The following ZNF385D variants were observed in gnomAD, a reference collection of about 807,000 sequenced individuals.
ZNF385D encodes zinc finger protein 659.
Under a neutral mutation model 35.8 loss-of-function variants are expected in ZNF385D, and 15 were observed. The observed-to-expected ratio is 0.42, with a 90% CI of 0.28 to 0.64. ZNF385D has a LOEUF of 0.64. ZNF385D is among the 30% of genes least tolerant of loss of function. The probability of loss-of-function intolerance (pLI) is 0.23; values close to 1 mark genes in which losing one functional copy is unlikely to be tolerated. For synonymous variants in ZNF385D, 212 were observed against 186.8 expected (o/e 1.13, Z -1.10); for missense variants, 474 against 494.6 (o/e 0.96, Z 0.39).
intron 3 of ZNF385D, among the ~76,000 whole-genome samples, chr3:21,941,490 CTTTTTTTTTTTT>C (rs531693623): frequency 1.6e-5 from 1 of 63,622 alleles, no homozygotes; most frequent in African/African-American, 6.8e-5. Context: ...TTCCATTACT[CTTTTTTTTTTTT>C]TTTTTTTTTT....
intron 3 of ZNF385D, among the ~76,000 whole-genome samples, chr3:21,808,321 T>C (rs971413751): frequency 6.6e-6 from 1 of 152,210 alleles, no homozygotes; most frequent in African/African-American, 2.4e-5. Context: ...AGACCTGTAG[T>C]ATAACACCTT....
intron 3 of ZNF385D, among the ~76,000 whole-genome samples, chr3:22,015,646 G>T (rs886943887): frequency 9.9e-5 from 15 of 152,016 alleles, no homozygotes; most frequent in Non-Finnish European, 2.1e-4. Flanking sequence ...ATCATTTCTT[G>T]TTTGTTTCTA....
chr3:22,169,736 A>G (rs1187921502), intron 2 of ZNF385D, among the ~76,000 whole-genome samples: 1 of 152,228 alleles, frequency 6.6e-6, no homozygotes, highest in Non-Finnish European at 1.5e-5. Context: ...TACGCTTTGT[A>G]TACTAAAACC....
At chr3:21,636,361 T>A (rs1210033083) in intron 2 of ZNF385D, among the ~76,000 whole-genome samples, 3 of 132,126 alleles carry the variant, frequency 2.3e-5, no homozygotes, top group Admixed American at 8.2e-5. Flanking sequence ...TGATTATATA[T>A]GATTATATAT....
chr3:21,599,771 C>T (rs78163365), intron 2 of ZNF385D, among the ~76,000 whole-genome samples: 5,165 of 152,278 alleles, frequency 0.034, 128 homozygotes, highest in South Asian at 0.082. Flanking sequence ...TCCTCCCTCC[C>T]TACCTATGGA....
rs577402258 is a variant in ZNF385D at position 21,867,694 on chromosome 3, C to G, written c.326-202666G>C. Among the ~76,000 whole-genome samples, 4 of 151,806 alleles carry G rather than the reference C, an allele frequency of 2.6e-5. 1 individual carries two copies. The highest frequency in any genetic ancestry group is 2.1e-4 in the South Asian group (1 of 4,814). ...GCCATTTTATTAGCTTATATTAATG[C>G]CTTTCAATGTCTCAATGCCAAGAGG... On this transcript the variant is annotated intron_variant, in intron 3 of 5. Coordinates refer to the ZNF385D transcript ENST00000494108.
intron 2 of ZNF385D, among the ~76,000 whole-genome samples, chr3:22,200,926 G>T (rs909797542): frequency 6.6e-6 from 1 of 152,114 alleles, no homozygotes; most frequent in African/African-American, 2.4e-5. Flanking sequence ...CAACACTGCT[G>T]TTACCCTGGT....
At chr3:21,702,616 G>A (rs914723864) in intron 1 of ZNF385D, among the ~76,000 whole-genome samples, 3 of 152,144 alleles carry the variant, frequency 2.0e-5, no homozygotes, top group Non-Finnish European at 4.4e-5. Flanking sequence ...GCATCATCAG[G>A]CTGCAAATTT....
At chr3:21,752,014 TC>T (rs1321937942), upstream of ZNF385D, among the ~76,000 whole-genome samples, 198 of 72,214 alleles carry the variant, frequency 2.7e-3, 1 homozygote, top group African/African-American at 0.01. Flanking sequence ...CCCACCCCCC[TC>T]CCCCCCCCAC....
At chr3:21,752,487 A>T (rs1335062534), upstream of ZNF385D, among the ~76,000 whole-genome samples, 3 of 152,194 alleles carry the variant, frequency 2.0e-5, no homozygotes, top group Admixed American at 6.5e-5. Flanking sequence ...TTTAATGTGC[A>T]TAGAAACTAG....
At chr3:22,273,975 C>A (rs1404102202) in intron 2 of ZNF385D, among the ~76,000 whole-genome samples, 1 of 152,076 alleles carries the variant, frequency 6.6e-6, no homozygotes, top group East Asian at 1.9e-4. Context: ...CTGCCATTAG[C>A]AAAGTATATT....
intron 2 of ZNF385D, among the ~76,000 whole-genome samples, chr3:22,273,076 G>C (rs377149742): frequency 5.3e-5 from 8 of 150,922 alleles, no homozygotes; most frequent in African/African-American, 1.5e-4. Flanking sequence ...GAGAAAGAGA[G>C]AAAAAAAAGA....
At position 21,663,915 on chromosome 3, in the gene ZNF385D, A is replaced by ATATT. The variant is rs1553633457; in HGVS notation, c.165+967_165+970dup. Among the ~76,000 whole-genome samples the ATATT allele has an allele frequency of 3.0e-3, 315 of 105,534 alleles. 13 individuals are homozygous for ATATT. Among genetic ancestry groups the ATATT allele is most frequent in the African/African-American group, 6.8e-3 (181 of 26,480 alleles). 69.2% of individuals were successfully genotyped at this position (105,534 alleles called of 152,430 possible). A position where few individuals can be genotyped will look rare whatever the true frequency, so the allele number is the denominator to read the frequency against. On this transcript the variant is annotated intron_variant, in intron 2 of 7. Transcript: ENST00000281523. ...AATATATATATATATATATATATAT[A>ATATT]TATTTATTTATTTAAATCCATCATG...
At chr3:22,149,497 G>C (rs898354133) in intron 3 of ZNF385D, among the ~76,000 whole-genome samples, 2 of 152,124 alleles carry the variant, frequency 1.3e-5, no homozygotes, top group Admixed American at 6.6e-5. Flanking sequence ...CAGATTGCTT[G>C]GCCTACTCCT....
chr3:21,664,164 A>G (rs1259730908), intron 2 of ZNF385D, among the ~76,000 whole-genome samples: 1 of 151,602 alleles, frequency 6.6e-6, no homozygotes, highest in Non-Finnish European at 1.5e-5. Flanking sequence ...CCTTATTTCA[A>G]TTTTCATCCT....
At chr3:22,172,001 G>C (rs539966487) in intron 2 of ZNF385D, among the ~76,000 whole-genome samples, 26 of 151,810 alleles carry the variant, frequency 1.7e-4, no homozygotes, top group Non-Finnish European at 3.2e-4. Context: ...TGGTAAAAAC[G>C]ACATGCTTAA....
chr3:21,845,866 G>A (rs1423355079), intron 3 of ZNF385D, among the ~76,000 whole-genome samples: 1 of 151,876 alleles, frequency 6.6e-6, no homozygotes, highest in African/African-American at 2.4e-5. Context: ...CCTGAATATG[G>A]AAAAATATTT....
chr3:22,372,403 G>C, intron 2 of ZNF385D: 2 of 970,754 alleles, frequency 2.1e-6, no homozygotes, highest in Non-Finnish European at 2.5e-6. Context: ...GCGCCCCAAC[G>C]AACTCCGCCA....
chr3:21,983,150 T>C (rs1694593839), intron 3 of ZNF385D, among the ~76,000 whole-genome samples: 1 of 97,626 alleles, frequency 1.0e-5, no homozygotes, highest in Non-Finnish European at 1.9e-5. Flanking sequence ...TTTTATTTTA[T>C]TTTATTTTAT....
Sources: allele counts gnomAD v4.1 joint callset (sites outside exome capture counted in the v4.1 genomes callset), GRCh38; gene constraint gnomAD v4.1.1; transcripts MANE v1.5; gene names NCBI Gene and HGNC (gene_info 2026-07-23, HGNC 2026-07-21).